Variants in DMTF1 observed in about 807,000 individuals in gnomAD.
DMTF1 encodes the protein cyclin-D-binding Myb-like transcription factor 1.
Under a neutral mutation model 91.1 loss-of-function variants are expected in DMTF1, and 39 were observed. The observed-to-expected ratio is 0.43, with a 90% CI of 0.33 to 0.56. The LOEUF is 0.56. Ranked by LOEUF, DMTF1 falls within the 20% of genes least tolerant of loss-of-function variation. DMTF1 has a pLI of 0.05. For synonymous variants in DMTF1, 338 were observed against 309.5 expected (o/e 1.09, Z -0.97); for missense variants, 750 against 914.5 (o/e 0.82, Z 2.32).
intron 4 of DMTF1, 130 bp downstream of exon 4, chr7:87,166,735 T>G: frequency 1.2e-6 from 1 of 855,458 alleles, no homozygotes; most frequent in Non-Finnish European, 1.9e-6. Flanking sequence ...AAACCACCTC[T>G]TTTTAGCTAA....
chr7:87,171,595 G>C (rs939775889), intron 5 of DMTF1, among the ~76,000 whole-genome samples: 1 of 152,086 alleles, frequency 6.6e-6, no homozygotes, highest in African/African-American at 2.4e-5. Flanking sequence ...CTTTGTGGTT[G>C]CAAGAGGTCT....
chr7:87,180,654 A>G (rs1057071894), intron 8 of DMTF1, among the ~76,000 whole-genome samples: 3 of 151,918 alleles, frequency 2.0e-5, no homozygotes, highest in Admixed American at 6.6e-5. Flanking sequence ...AATGTCACCC[A>G]TAAGTTTTTT....
intron 1 of DMTF1, among the ~76,000 whole-genome samples, chr7:87,161,710 C>T (rs1031000426): frequency 1.4e-4 from 22 of 152,142 alleles, no homozygotes; most frequent in Non-Finnish European, 3.1e-4. Context: ...TTTTTCTCAA[C>T]GTTGTGGATT....
chr7:87,179,574 C>T lies in DMTF1; in HGVS notation c.549C>T (p.Ile183=). The change falls in exon 8 of 18, where the codon ATC becomes ATT. Residue 183 remains isoleucine (I), a synonymous_variant. Coordinates refer to ENST00000331242, the MANE Select transcript of DMTF1 (RefSeq NM_001142327.2). ...GCGGAATAAAAGATGCTACAGAAAT[C>T]ATCTTTGAGATGTCAAAAGACGAAA... ...KARGIKDATE[I]IFEMSKDERK... is the part of the protein sequence containing the mutation. 6.5e-7 allele frequency: 1 copy of T among 1,549,636 alleles called. No individual in the cohort carries two copies. Among genetic ancestry groups the T allele is most frequent in the South Asian group, 1.3e-5 (1 of 77,310 alleles).
intron 7 of DMTF1, among the ~76,000 whole-genome samples, chr7:87,178,012 T>G (rs188941480): frequency 1.8e-4 from 27 of 152,250 alleles, no homozygotes; most frequent in Admixed American, 1.1e-3. Context: ...TTACAGAGAG[T>G]GAAACACTCA....
At chr7:87,158,204 A>T (rs1791294731) in intron 1 of DMTF1, among the ~76,000 whole-genome samples, 1 of 152,024 alleles carries the variant, frequency 6.6e-6, no homozygotes, top group Non-Finnish European at 1.5e-5. Context: ...CCAAGTCCTT[A>T]TTGTATCCCA....
At chr7:87,170,623 A>T (rs1030956908) in intron 4 of DMTF1, among the ~76,000 whole-genome samples, 3 of 152,106 alleles carry the variant, frequency 2.0e-5, no homozygotes, top group African/African-American at 7.2e-5. Context: ...CTAGCCTCCT[A>T]TATAAAATTT....
At chr7:87,170,794 C>T (rs1794896772) in intron 4 of DMTF1, among the ~76,000 whole-genome samples, 1 of 152,166 alleles carries the variant, frequency 6.6e-6, no homozygotes, top group South Asian at 2.1e-4. Context: ...ACTGCTATAT[C>T]CCCAGCACCC....
At chr7:87,183,138 T>A (rs1330070686) in intron 10 of DMTF1, among the ~76,000 whole-genome samples, 1 of 152,346 alleles carries the variant, frequency 6.6e-6, no homozygotes, top group East Asian at 1.9e-4. Context: ...ATATACATTT[T>A]GACCTTAACC....
rs562289380 is a variant in DMTF1, at chr7:87,170,126, A to T, written c.233-869A>T. On this transcript the variant is annotated intron_variant, in intron 4 of 17. Coordinates refer to ENST00000331242, the MANE Select transcript of DMTF1 (RefSeq NM_001142327.2). ...TCTTCCAGTAGTTTTGATTTTTTTTAAAAAAATTTAACGTTATCCTTGGCT... is the reference window on the plus strand; with the variant it reads ...TCTTCCAGTAGTTTTGATTTTTTTTTAAAAAATTTAACGTTATCCTTGGCT... Among the ~76,000 whole-genome samples, 362 of 152,144 alleles carry T rather than the reference A, an allele frequency of 2.4e-3. 1 individual carries two copies. Among genetic ancestry groups the T allele is most frequent in the Non-Finnish European group, 4.0e-3 (272 of 67,986 alleles).
At chr7:87,187,992 C>T in intron 12 of DMTF1, 100 bp from the exon 13 acceptor site, 1 of 832,098 alleles carries the variant, frequency 1.2e-6, no homozygotes, top group Non-Finnish European at 2.0e-6. Context: ...GTTATTTATT[C>T]CAAATACTTT....
intron 1 of DMTF1, among the ~76,000 whole-genome samples, chr7:87,162,153 G>A (rs879615230): frequency 5.9e-5 from 9 of 151,912 alleles, no homozygotes; most frequent in Non-Finnish European, 8.8e-5. Flanking sequence ...CCCAGACTGC[G>A]GCCTTGATCT....
intron 13 of DMTF1, among the ~76,000 whole-genome samples, chr7:87,188,598 A>G (rs1799001521): frequency 6.6e-6 from 1 of 152,210 alleles, no homozygotes; most frequent in Non-Finnish European, 1.5e-5. Context: ...AGAATGAATG[A>G]TAGAAAACTA....
rs374723314 is a variant in DMTF1, at chr7:87,154,796, A to T, written c.-132+2241A>T. On this transcript the variant is annotated intron_variant, in intron 1 of 17. Transcript: ENST00000331242. ...CTTTTTTCAATCCTTTAGTTATCTC[A>T]TTACACCCCAGGGGTGCTTTAAAGG... is the stretch of plus-strand genomic sequence containing the variant. Among the ~76,000 whole-genome samples the T allele has an allele frequency of 1.7e-3, 259 of 152,160 alleles. 4 individuals are homozygous for T. Among genetic ancestry groups the T allele is most frequent in the African/African-American group, 5.5e-3 (229 of 41,514 alleles).
In DMTF1 at chr7:87,188,408, C is replaced by G. The variant is rs553104943; in HGVS notation, c.1411+107C>G. Reference sequence around the variant, plus strand: ...AATGTTAATAGAAATTTACCCAAGTCGGTGAACTGAAGGACATCTAAGATA... The same window carrying G: ...AATGTTAATAGAAATTTACCCAAGTGGGTGAACTGAAGGACATCTAAGATA... On this transcript the variant is annotated intron_variant, in intron 13 of 17. Coordinates refer to ENST00000331242, the MANE Select transcript of DMTF1 (RefSeq NM_001142327.2). 21 of 1,160,942 alleles carry G rather than the reference C, an allele frequency of 1.8e-5. No homozygotes were observed. The South Asian group carries it at 2.8e-4, about 16-fold the overall frequency. 71.9% of individuals were successfully genotyped at this position (1,160,942 alleles called of 1,614,324 possible).
At chr7:87,193,031 C>T (rs1049510557) in intron 14 of DMTF1, 167 bp from the exon 15 acceptor site, 1 of 646,188 alleles carries the variant, frequency 1.5e-6, no homozygotes, top group Admixed American at 2.9e-5. Flanking sequence ...GCCTCTTAAA[C>T]CTTCAGGCTA....
intron 14 of DMTF1, among the ~76,000 whole-genome samples, chr7:87,192,281 A>C (rs1366704433): frequency 6.6e-6 from 1 of 152,168 alleles, no homozygotes; most frequent in Non-Finnish European, 1.5e-5. Context: ...ATACATGTAC[A>C]TATAAAGTAT....
At chr7:87,160,330 A>G (rs914192801) in intron 1 of DMTF1, among the ~76,000 whole-genome samples, 2 of 149,752 alleles carry the variant, frequency 1.3e-5, no homozygotes, top group African/African-American at 2.5e-5. Flanking sequence ...GCTGGAGTGC[A>G]ATGGGACGAT....
In DMTF1 at chr7:87,180,559, C is replaced by G. The variant is rs140841313; in HGVS notation, c.678-750C>G. Among the ~76,000 whole-genome samples, 25 of 152,202 alleles carry G rather than the reference C, an allele frequency of 1.6e-4. No homozygotes were observed. The East Asian group carries it at 4.8e-3, about 29-fold the overall frequency. ...GCAAGAGTATGTCAGATGTCCATAC[C>G]TGGGTAAAGGAAATGAAGATAATCT... On this transcript the variant is annotated intron_variant, in intron 8 of 17. Transcript: ENST00000331242.
Sources: gnomAD v4.1 joint callset for allele counts (sites outside exome capture counted in the v4.1 genomes callset) on GRCh38, gnomAD v4.1.1 for gene constraint, MANE v1.5 for transcripts, NCBI Gene and HGNC (gene_info 2026-07-23, HGNC 2026-07-21) for gene names.